The following TSPAN32 variants were observed in gnomAD, a reference collection of about 807,000 sequenced individuals.
TSPAN32 encodes tetraspanin 32.
In TSPAN32, 47 loss-of-function variants were observed where a neutral mutation model predicts 42.7. The ratio of observed to expected loss-of-function variants is 1.10; its 90% CI spans 0.87 to 1.40. The LOEUF is 1.40. Among genes scored for constraint, TSPAN32 ranks in the 40% most tolerant of loss-of-function variants. The probability of loss-of-function intolerance (pLI) is 0.00; values close to 1 mark genes in which losing one functional copy is unlikely to be tolerated. For synonymous variants in TSPAN32, 175 were observed against 175.9 expected, an observed-to-expected ratio of 0.99 and a Z score of 0.04; for missense variants, 469 against 424.1, an observed-to-expected ratio of 1.11 and a Z score of -0.93.
In TSPAN32 at chr11:2,314,482, T is replaced by A. The variant is rs761743397; in HGVS notation, c.457-3T>A. ...CACCACTCCCTCCCTTCTGTTCCTG[T>A]AGTTTCTGTGCTGTGGGAAGAAGTC... On this transcript the variant is annotated splice_polypyrimidine_tract_variant and splice_region_variant and intron_variant, in intron 5 of 9. Coordinates refer to ENST00000182290, the MANE Select transcript of TSPAN32 (RefSeq NM_139022.3). 5 of 1,609,898 alleles carry A rather than the reference T, an allele frequency of 3.1e-6. No individual in the cohort carries two copies. In the Admixed American group the frequency reaches 8.4e-5, roughly 27 times the overall value.
At chr11:2,310,377 A>G (rs554185291) in intron 4 of TSPAN32, among the ~76,000 whole-genome samples, 1 of 152,264 alleles carries the variant, frequency 6.6e-6, no homozygotes, top group African/African-American at 2.4e-5. Context: ...GGGCTCACCT[A>G]TGGCCTGTCC....
In TSPAN32 at chr11:2,302,064, C is replaced by T; in HGVS notation, c.-86C>T. ...GGGCGGATGCAGCCTACCTCCTGGG[C>T]AGTGAGCTGCGGTCTGAGGCCCCTG... On this transcript the variant is annotated 5_prime_UTR_variant, in exon 1 of 10. An upstream open reading frame in the 5' UTR gains an earlier in-frame stop. Transcript: ENST00000182290. The T allele has an allele frequency of 6.7e-7, 1 of 1,495,360 alleles. No individual in the cohort carries two copies. Among genetic ancestry groups the T allele is most frequent in the Non-Finnish European group, 8.9e-7 (1 of 1,125,732 alleles). 92.6% of individuals were successfully genotyped at this position (1,495,360 alleles called of 1,614,324 possible). A position where few individuals can be genotyped will look rare whatever the true frequency, so the allele number is the denominator to read the frequency against.
rs916897375 is a variant in TSPAN32 at position 2,309,663 on chromosome 11, C to G, written c.354+853C>G. On this transcript the variant is annotated intron_variant, in intron 4 of 9. Coordinates refer to ENST00000182290, the MANE Select transcript of TSPAN32 (RefSeq NM_139022.3). ...TCGTGTATTCAAGTGCCTGGTTGCCCAGGGCCCTCAAACACAGGCTTGGCC... is the reference window on the plus strand; with the variant it reads ...TCGTGTATTCAAGTGCCTGGTTGCCGAGGGCCCTCAAACACAGGCTTGGCC... Among the ~76,000 whole-genome samples the G allele has an allele frequency of 3.3e-5, 5 of 152,342 alleles. 1 individual carries two copies. Among genetic ancestry groups the G allele is most frequent in the African/African-American group, 9.6e-5 (4 of 41,590 alleles).
rs370308101 is a variant in TSPAN32 at position 2,314,453 on chromosome 11, A to T, written c.457-32A>T. 77 of 1,570,878 alleles carry T rather than the reference A, an allele frequency of 4.9e-5. No individual in the cohort carries two copies. In the African/African-American group the frequency reaches 9.8e-4, roughly 20 times the overall value. On this transcript the variant is annotated intron_variant, in intron 5 of 9. Transcript: ENST00000182290. ...GCCCGCCTCCTGGGGTCTCGGGAGC[A>T]CATCACCACTCCCTCCCTTCTGTTC...
chr11:2,303,708 C>T (rs546040198), intron 2 of TSPAN32, among the ~76,000 whole-genome samples: 12 of 152,224 alleles, frequency 7.9e-5, no homozygotes, highest in East Asian at 3.9e-4. Flanking sequence ...GGTCCAGGTC[C>T]GGACTGATAA....
chr11:2,308,456 C>A (rs1267072593), intron 3 of TSPAN32, among the ~76,000 whole-genome samples: 7 of 49,430 alleles, frequency 1.4e-4, no homozygotes, highest in Admixed American at 9.3e-4. Context: ...CCCGCAATGA[C>A]CAGCCCCCAA....
chr11:2,310,635 C>T (rs145777605), intron 4 of TSPAN32, among the ~76,000 whole-genome samples: 2,082 of 152,328 alleles, frequency 0.014, 48 homozygotes, highest in African/African-American at 0.047. Flanking sequence ...GTCCTTGGGC[C>T]GCCCTTGGGC....
chr11:2,302,764 C>T (rs1450613623), intron 1 of TSPAN32, 80 bp from the exon 2 acceptor site: 7 of 1,214,020 alleles, frequency 5.8e-6, no homozygotes, highest in Non-Finnish European at 8.3e-6. Context: ...GGAGAGAGCC[C>T]CAACCCTGCC....
chr11:2,315,185 CTG>C, intron 6 of TSPAN32: 10 of 1,056,716 alleles, frequency 9.5e-6, no homozygotes, highest in South Asian at 1.8e-5. Flanking sequence ...TGCCCCCTCC[CTG>C]CTCCCCTCCC....
At position 2,310,293 on chromosome 11, in the gene TSPAN32, G is replaced by T. The variant is rs895262550; in HGVS notation, c.354+1483G>T. On this transcript the variant is annotated intron_variant, in intron 4 of 9. Transcript: ENST00000182290. Reference sequence around the variant, plus strand: ...CTGGAGGGGAGGGGGCCATACAGGGGCCACAGGACAGAACGCAGCTGGGGC... The same window carrying T: ...CTGGAGGGGAGGGGGCCATACAGGGTCCACAGGACAGAACGCAGCTGGGGC... Among the ~76,000 whole-genome samples, 6 of 152,210 alleles carry T rather than the reference G, an allele frequency of 3.9e-5. No individual in the cohort carries two copies. The East Asian group carries it at 1.2e-3, about 29-fold the overall frequency.
At position 2,304,891 on chromosome 11, in the gene TSPAN32, C is replaced by T. The variant is rs1250331645; in HGVS notation, c.279+687C>T. Among the ~76,000 whole-genome samples the T allele has an allele frequency of 6.6e-6, 1 of 152,174 alleles. No homozygotes were observed. Among genetic ancestry groups the T allele is most frequent in the Non-Finnish European group, 1.5e-5 (1 of 68,034 alleles). ...GCCTGTCCTGCCCCTGCTAGGCCCA[C>T]AGCCCTCTTCTCTCACCCCAGCTGG... On this transcript the variant is annotated intron_variant, in intron 3 of 9. Coordinates refer to ENST00000182290, the MANE Select transcript of TSPAN32 (RefSeq NM_139022.3). This position sits in a 1 kb window ranked among gnomAD's most constrained non-coding sequence, Gnocchi z 4.8.
At chr11:2,314,005 T>C (rs917041999) in intron 5 of TSPAN32, among the ~76,000 whole-genome samples, 17 of 151,718 alleles carry the variant, frequency 1.1e-4, no homozygotes, top group African/African-American at 4.1e-4. Context: ...TCAGAAACAC[T>C]GAAGGATTTC....
At chr11:2,309,392 C>G (rs780644346) in intron 4 of TSPAN32, 17 of 467,816 alleles carry the variant, frequency 3.6e-5, no homozygotes, top group African/African-American at 3.4e-4. Flanking sequence ...GGGCAGGGGC[C>G]AAGGGCGTCC....
In TSPAN32 at chr11:2,302,159, T is replaced by C. The variant is rs748716777; in HGVS notation, c.10T>C (p.Trp4Arg). 35 of 1,436,482 alleles carry C rather than the reference T, an allele frequency of 2.4e-5. No individual in the cohort carries two copies. Among genetic ancestry groups the C allele is most frequent in the Non-Finnish European group, 3.0e-5 (33 of 1,091,478 alleles). The allele number at this position is 1,436,482 out of a possible 1,614,324, so 89.0% of individuals were successfully genotyped here. ...GAGGAGAGGAACCGTCATGGGGCCT[T>C]GGAGTCGAGTCAGGGTTGCCAAATG... is the stretch of plus-strand genomic sequence containing the variant. MGP[W>R]SRVRVAKCQM... is the part of the protein sequence containing the mutation. The change falls in exon 1 of 10, where the codon TGG (tryptophan) becomes CGG (arginine). Residue 4 changes from tryptophan (W) to arginine (R), a missense_variant. Physicochemically the swap from Trp to Arg is moderately radical, Grantham distance 101. Transcript: ENST00000182290.
intron 4 of TSPAN32, among the ~76,000 whole-genome samples, chr11:2,310,317 G>A (rs1548432): frequency 0.59 from 90,327 of 152,118 alleles, 29,885 homozygotes; most frequent in Non-Finnish European, 0.77. Flanking sequence ...CGCAGCTGGG[G>A]CCTGCTCTCC....
rs529827524 is a variant in TSPAN32 at position 2,313,178 on chromosome 11, G to A, written c.355-476G>A. On this transcript the variant is annotated intron_variant, in intron 4 of 9. Transcript: ENST00000182290. The surrounding 1 kb of genome is among the most constrained non-coding windows in gnomAD (Gnocchi z 9.1). ...AGCCTTACCCGGAGCCCAGCTGCCC[G>A]GGCTTCCAGAAGGCAGCCGGGTGAT... Among the ~76,000 whole-genome samples the A allele has an allele frequency of 1.3e-5, 2 of 152,098 alleles. No homozygotes were observed. The highest frequency in any genetic ancestry group is 2.4e-5 in the African/African-American group (1 of 41,408).
At chr11:2,302,814 C>T in intron 1 of TSPAN32, 30 bp from the exon 2 acceptor site, 1 of 1,590,778 alleles carries the variant, frequency 6.3e-7, no homozygotes, top group African/African-American at 1.3e-5. Flanking sequence ...CAGTCCCATG[C>T]CCCACACTCT....
intron 4 of TSPAN32, among the ~76,000 whole-genome samples, chr11:2,311,639 G>A (rs760751025): frequency 2.7e-4 from 41 of 152,162 alleles, no homozygotes; most frequent in Non-Finnish European, 5.1e-4. Context: ...TGCCGTTCAG[G>A]ACCTGTCTGT....
chr11:2,309,398 C>T (rs1032943546), intron 4 of TSPAN32: 2 of 466,762 alleles, frequency 4.3e-6, no homozygotes, highest in Non-Finnish European at 4.4e-6. Flanking sequence ...GGGCCAAGGG[C>T]GTCCCCGTGG....
Sources: allele counts gnomAD v4.1 joint callset (sites outside exome capture counted in the v4.1 genomes callset), GRCh38; gene constraint gnomAD v4.1.1; non-coding constraint Gnocchi (gnomAD v3.1); transcripts MANE v1.5; gene names NCBI Gene and HGNC (gene_info 2026-07-23, HGNC 2026-07-21).